DST: variants seen among roughly 807,000 people sequenced by gnomAD.
DST encodes the protein dystonin, also known as bullous pemphigoid antigen.
DST carries 253 observed loss-of-function variants against 875.2 expected under a neutral mutation model. The ratio of observed to expected loss-of-function variants is 0.29; its 90% CI spans 0.26 to 0.32. DST has a LOEUF of 0.32. Among genes scored for constraint, DST ranks in the 10% least tolerant of loss-of-function variants. The probability of loss-of-function intolerance (pLI) is 1.00; values close to 1 mark genes in which losing one functional copy is unlikely to be tolerated. For synonymous variants in DST, 3,124 were observed against 3,197.1 expected (o/e 0.98, Z 0.77); for missense variants, 8,287 against 9,111.6 (o/e 0.91, Z 3.68).
chr6:56,563,353 T>C (rs1055078417), intron 55 of DST, among the ~76,000 whole-genome samples: 6 of 152,258 alleles, frequency 3.9e-5, no homozygotes, highest in African/African-American at 1.4e-4. Flanking sequence ...ATGAGCATTT[T>C]TTCATGTGTC....
At chr6:56,566,148 C>G (rs1235633187) in intron 55 of DST, among the ~76,000 whole-genome samples, 2 of 152,184 alleles carry the variant, frequency 1.3e-5, no homozygotes, top group African/African-American at 4.8e-5. Flanking sequence ...GGGGTTGGAT[C>G]TGCTGAGCTA....
chr6:56,508,436 T>C lies in DST; in HGVS notation c.19239+93A>G, dbSNP rs2096393041. On this transcript the variant is annotated intron_variant, in intron 75 of 103. Coordinates refer to ENST00000680361, the MANE Select transcript of DST (RefSeq NM_001374736.1). ...CCATTTTCAGAACCAAATATAAATG[T>C]TAACAGAGTAACTCCTAACATTTAC... The C allele has an allele frequency of 1.1e-5, 11 of 1,002,670 alleles. No individual in the cohort carries two copies. In the South Asian group the frequency reaches 1.5e-4, roughly 13 times the overall value. 62.1% of individuals were successfully genotyped at this position (1,002,670 alleles called of 1,614,324 possible).
At chr6:56,562,329 A>C in intron 55 of DST, 129 bp from the exon 56 acceptor site, 1 of 499,652 alleles carries the variant, frequency 2.0e-6, no homozygotes, top group Non-Finnish European at 3.4e-6. Flanking sequence ...TCAAAATCAA[A>C]TGAAGGTCCA....
chr6:56,934,799 A>G (rs1403179906), intron 2 of DST, among the ~76,000 whole-genome samples: 5 of 151,296 alleles, frequency 3.3e-5, no homozygotes, highest in Admixed American at 1.3e-4. Context: ...CTCAGAAAAC[A>G]CAAAATAATT....
chr6:56,876,427 C>T (rs1036978680), intron 3 of DST, among the ~76,000 whole-genome samples: 1 of 152,274 alleles, frequency 6.6e-6, no homozygotes, highest in Non-Finnish European at 1.5e-5. Flanking sequence ...AATGTGACCT[C>T]CAATTTTTGG....
Position 56,779,997 on chromosome 6 carries a change from T to C in DST, c.626-44708A>G, listed in dbSNP as rs535722895. On this transcript the variant is annotated intron_variant, in intron 4 of 103. Transcript: ENST00000680361. Reference sequence around the variant, plus strand: ...GGTGTTTGGTTTTTTGTCCTTGAGATAGTTTACTGAGAATGATGATTTCCA... The same window carrying C: ...GGTGTTTGGTTTTTTGTCCTTGAGACAGTTTACTGAGAATGATGATTTCCA... 1.1e-4 allele frequency among the ~76,000 whole-genome samples: 16 copies of C among 151,048 alleles called. 1 individual carries two copies. The East Asian group carries it at 2.5e-3, about 24-fold the overall frequency.
chr6:56,818,063 A>G (rs1345807357), intron 4 of DST, among the ~76,000 whole-genome samples: 4 of 152,202 alleles, frequency 2.6e-5, no homozygotes, highest in Non-Finnish European at 4.4e-5. Flanking sequence ...AAACCTGAAA[A>G]TGCAAGGAAA....
intron 49 of DST, among the ~76,000 whole-genome samples, chr6:56,583,568 T>C (rs1037897155): frequency 6.6e-6 from 1 of 152,188 alleles, no homozygotes; most frequent in African/African-American, 2.4e-5. Flanking sequence ...CTGATGGTAG[T>C]TTCTTTTGCT....
At chr6:56,749,702 A>C (rs1411029625) in intron 4 of DST, among the ~76,000 whole-genome samples, 1 of 152,174 alleles carries the variant, frequency 6.6e-6, no homozygotes, top group Non-Finnish European at 1.5e-5. Context: ...GGTATGATTC[A>C]CATGTGTAAT....
intron 2 of DST, among the ~76,000 whole-genome samples, chr6:56,942,333 T>G (rs1306024937): frequency 6.6e-6 from 1 of 152,218 alleles, no homozygotes; most frequent in Non-Finnish European, 1.5e-5. Flanking sequence ...ATTGATATTA[T>G]TAGATTTAGG....
chr6:56,503,732 T>C (rs2096221864), intron 78 of DST, among the ~76,000 whole-genome samples: 1 of 152,054 alleles, frequency 6.6e-6, no homozygotes, highest in Non-Finnish European at 1.5e-5. Context: ...AATTTGTTTT[T>C]CTCCTTTTTA....
At position 56,639,912 on chromosome 6, in the gene DST, A is replaced by AT. The variant is rs745715013; in HGVS notation, c.2619+16dup. 25 of 1,609,788 alleles carry AT rather than the reference A, an allele frequency of 1.6e-5. No homozygotes were observed. The highest frequency in any genetic ancestry group is 2.1e-5 in the Non-Finnish European group (25 of 1,177,664). On this transcript the variant is annotated intron_variant, in intron 19 of 103. Transcript: ENST00000680361. ...GTAAACTAAAATGAAATATATACAA[A>AT]TTTTAAATTCACATACCTCACTGAT...
chr6:56,734,979 T>G, intron 5 of DST: 1 of 358,054 alleles, frequency 2.8e-6, no homozygotes. Flanking sequence ...TAGATTCCAA[T>G]AGTAACAGGT....
intron 61 of DST, among the ~76,000 whole-genome samples, chr6:56,550,555 CCA>C (rs2097304936): frequency 6.6e-6 from 1 of 152,170 alleles, no homozygotes; most frequent in African/African-American, 2.4e-5. Flanking sequence ...ACATGAACAG[CCA>C]CATTTTTCAC....
intron 55 of DST, among the ~76,000 whole-genome samples, chr6:56,568,161 A>C (rs2097714301): frequency 6.6e-6 from 1 of 152,256 alleles, no homozygotes; most frequent in Non-Finnish European, 1.5e-5. Context: ...CCATTTAATT[A>C]AGGTAAAAAG....
At chr6:56,633,146 A>T in intron 27 of DST, 109 bp from the exon 28 acceptor site, 2 of 855,718 alleles carry the variant, frequency 2.3e-6, no homozygotes, top group Non-Finnish European at 3.9e-6. Context: ...AATAATCATA[A>T]ATAGGAACAT....
At chr6:56,682,279 C>T (rs1376579533) in intron 9 of DST, among the ~76,000 whole-genome samples, 1 of 152,074 alleles carries the variant, frequency 6.6e-6, no homozygotes, top group African/African-American at 2.4e-5. Context: ...CTCAAGCAAT[C>T]CTCCCACCTC....
intron 98 of DST, chr6:56,466,731 A>G (rs2094591529): frequency 6.6e-6 from 1 of 152,254 alleles, no homozygotes; most frequent in South Asian, 2.1e-4. Context: ...AAAGTAAATG[A>G]GTATGACTCA....
intron 32 of DST, among the ~76,000 whole-genome samples, chr6:56,628,941 G>C (rs1320342969): frequency 1.3e-5 from 2 of 152,034 alleles, no homozygotes; most frequent in Non-Finnish European, 2.9e-5. Context: ...ACTAAGTCAT[G>C]GTTATTTGAA....
Sources: gnomAD v4.1 joint callset for allele counts (sites outside exome capture counted in the v4.1 genomes callset) on GRCh38, gnomAD v4.1.1 for gene constraint, MANE v1.5 for transcripts, NCBI Gene and HGNC (gene_info 2026-07-23, HGNC 2026-07-21) for gene names.